FAM20A: variants seen among roughly 807,000 people sequenced by gnomAD.
FAM20A encodes FAM20A golgi associated secretory pathway pseudokinase, also known as pseudokinase FAM20A.
A neutral mutation model predicts 52.0 loss-of-function variants in FAM20A; 42 were observed. That is an observed-to-expected ratio of 0.81 (90% CI 0.63 to 1.04). The LOEUF (loss-of-function observed/expected upper bound fraction) is 1.04. Ranked by LOEUF, FAM20A falls within the 50% of genes least tolerant of loss-of-function variation. The probability of loss-of-function intolerance (pLI) is 0.00; values close to 1 mark genes in which losing one functional copy is unlikely to be tolerated. For synonymous variants in FAM20A, 304 were observed against 298.9 expected (o/e 1.02, Z -0.18); for missense variants, 742 against 712.7 (o/e 1.04, Z -0.47).
chr17:68,536,385 A>G lies in FAM20A; in HGVS notation c.*1092T>C, dbSNP rs1209677250. 6.6e-6 allele frequency: 3 copies of G among 454,016 alleles called. No individual in the cohort carries two copies. Among genetic ancestry groups the G allele is most frequent in the African/African-American group, 6.0e-5 (3 of 50,002 alleles). The allele number at this position is 454,016 out of a possible 1,614,324, so 28.1% of individuals were successfully genotyped here. A position where few individuals can be genotyped will look rare whatever the true frequency, so the allele number is the denominator to read the frequency against. ...TGTGTTTTCGGTCATTAATTATGGA[A>G]TAAGAAACAAAGCCTCCTATTAAAA... is the stretch of plus-strand genomic sequence containing the variant. On this transcript the variant is annotated 3_prime_UTR_variant, in exon 11 of 11. Transcript: ENST00000592554.
At chr17:68,594,927 C>T (rs1213106504) in intron 1 of FAM20A, among the ~76,000 whole-genome samples, 2 of 152,246 alleles carry the variant, frequency 1.3e-5, no homozygotes, top group Admixed American at 1.3e-4. Flanking sequence ...TTAATTACAT[C>T]TGTAAAATCC....
Position 68,537,161 on chromosome 17 carries a change from T to C in FAM20A, c.*316A>G, listed in dbSNP as rs1450346777. The C allele has an allele frequency of 1.9e-6, 1 of 539,012 alleles. No individual in the cohort carries two copies. The highest frequency in any genetic ancestry group is 4.8e-5 in the East Asian group (1 of 20,938). The allele number at this position is 539,012 out of a possible 1,614,324, so 33.4% of individuals were successfully genotyped here. Reference sequence around the variant, plus strand: ...CTTTTATTTGACTTGTTACCATTAGTACTCTCCTGGGATCAAGGCTGCCAA... The same window carrying C: ...CTTTTATTTGACTTGTTACCATTAGCACTCTCCTGGGATCAAGGCTGCCAA... On this transcript the variant is annotated 3_prime_UTR_variant, in exon 11 of 11. Transcript: ENST00000592554. The surrounding 1 kb of genome is among the most constrained non-coding windows in gnomAD (Gnocchi z 4.2).
chr17:68,546,205 C>A, intron 4 of FAM20A, among the ~76,000 whole-genome samples: 1 of 144,150 alleles, frequency 6.9e-6, no homozygotes, highest in Non-Finnish European at 1.5e-5. Flanking sequence ...AGCAGCAACT[C>A]TATCTGTTCA....
chr17:68,593,704 C>G (rs186082360), intron 1 of FAM20A, among the ~76,000 whole-genome samples: 39 of 152,358 alleles, frequency 2.6e-4, no homozygotes, highest in Admixed American at 6.5e-4. Context: ...ATTTGTTCCA[C>G]AGATATTTAC....
At chr17:68,551,594 C>T (rs1396985563) in intron 4 of FAM20A, among the ~76,000 whole-genome samples, 1 of 151,878 alleles carries the variant, frequency 6.6e-6, no homozygotes, top group Non-Finnish European at 1.5e-5. Flanking sequence ...GTATCTGGCT[C>T]ATAAGCTTGC....
chr17:68,584,227 G>C (rs1037979838), intron 1 of FAM20A, among the ~76,000 whole-genome samples: 2 of 152,156 alleles, frequency 1.3e-5, no homozygotes, highest in African/African-American at 4.8e-5. Flanking sequence ...TGAGGCAGGA[G>C]AATCACTTGA....
intron 8 of FAM20A, 87 bp from the exon 9 acceptor site, chr17:68,540,053 C>G: frequency 8.7e-7 from 1 of 1,143,950 alleles, no homozygotes; most frequent in South Asian, 1.3e-5. Context: ...GAACGGAGGC[C>G]TGTCATCACT....
chr17:68,561,793 C>A (rs1361319597), intron 1 of FAM20A, among the ~76,000 whole-genome samples: 1 of 151,758 alleles, frequency 6.6e-6, no homozygotes, highest in Non-Finnish European at 1.5e-5. Context: ...GGGTAACTTC[C>A]CAGTACATTT....
At chr17:68,545,849 C>T (rs1238111266) in intron 4 of FAM20A, among the ~76,000 whole-genome samples, 2 of 152,160 alleles carry the variant, frequency 1.3e-5, no homozygotes, top group Admixed American at 6.5e-5. Flanking sequence ...TCTCAAGAAA[C>T]CACTTTCTTT....
At position 68,537,682 on chromosome 17, in the gene FAM20A, C is replaced by T. The variant is rs1255576733; in HGVS notation, c.1421G>A (p.Ser474Asn). The T allele has an allele frequency of 1.2e-6, 2 of 1,613,602 alleles. No individual in the cohort carries two copies. Among genetic ancestry groups the T allele is most frequent in the African/African-American group, 1.3e-5 (1 of 74,922 alleles). The change falls in exon 11 of 11, where the codon AGC becomes AAC. Residue 474 changes from serine to asparagine, a missense_variant. By Grantham distance (46) the Ser-to-Asn change is conservative (BLOSUM62 1). Transcript: ENST00000592554. The surrounding 1 kb of genome is among the most constrained non-coding windows in gnomAD (Gnocchi z 4.2). ...CAGCAGTGATTCTCGCATCACATCG[C>T]TGAGTCTGTAGTCAGCTTGGGCCAG... ...QLLAQADYRL[S>N]DVMRESLLED...
chr17:68,540,852 T>G lies in FAM20A; in HGVS notation c.1216A>C (p.Ile406Leu). 1 of 1,598,086 alleles carries G rather than the reference T, an allele frequency of 6.3e-7. No individual in the cohort carries two copies. Among genetic ancestry groups the G allele is most frequent in the Non-Finnish European group, 8.5e-7 (1 of 1,171,844 alleles). ...VIDMAIFDFL[I>L]GNMDRHHYEM... ...GGGCCTGCGTGTGGGGACCTACCTA[T>G]CAAGAAGTCGAAGATGGCCATGTCG... is the stretch of plus-strand genomic sequence containing the variant. The change falls in exon 8 of 11, where the codon ATA becomes CTA. Residue 406 changes from isoleucine to leucine, a missense_variant. Physicochemically the swap from Ile to Leu is conservative, Grantham distance 5. Coordinates refer to ENST00000592554, the MANE Select transcript of FAM20A (RefSeq NM_017565.4).
intron 3 of FAM20A, among the ~76,000 whole-genome samples, chr17:68,553,261 A>T (rs891488203): frequency 6.6e-6 from 1 of 151,952 alleles, no homozygotes; most frequent in Admixed American, 6.5e-5. Flanking sequence ...CCCTTCTGCC[A>T]TGATTGTAAG....
Position 68,600,229 on chromosome 17 carries a change from G to A in FAM20A, c.404+34C>T. On this transcript the variant is annotated intron_variant, in intron 1 of 10. Transcript: ENST00000592554. This position sits in a 1 kb window ranked among gnomAD's most constrained non-coding sequence, Gnocchi z 6.2. ...GGCGCGGGGAGGCCCCGGCCAGAGC[G>A]CCCGCTCTCCCGCGTCCCGGGCGGG... The A allele has an allele frequency of 6.5e-7, 1 of 1,547,400 alleles. No homozygotes were observed. Among genetic ancestry groups the A allele is most frequent in the Non-Finnish European group, 8.7e-7 (1 of 1,146,044 alleles).
At chr17:68,585,172 G>T (rs1436017459) in intron 1 of FAM20A, among the ~76,000 whole-genome samples, 1 of 152,176 alleles carries the variant, frequency 6.6e-6, no homozygotes, top group Non-Finnish European at 1.5e-5. Flanking sequence ...TAGACCTGTG[G>T]CTTCCCTGTA....
At chr17:68,581,436 T>TTTCTTTCTTTCTTTC (rs1330365456) in intron 1 of FAM20A, among the ~76,000 whole-genome samples, 1 of 98,820 alleles carries the variant, frequency 1.0e-5, no homozygotes, top group African/African-American at 4.5e-5. Context: ...TCTTTCTTTC[T>TTTCTTTCTTTCTTTC]TTTCTTTTTT....
chr17:68,567,166 C>A (rs2087399744), intron 1 of FAM20A, among the ~76,000 whole-genome samples: 2 of 151,874 alleles, frequency 1.3e-5, no homozygotes, highest in African/African-American at 2.4e-5. Flanking sequence ...GACAAGATAG[C>A]AAATATTTTA....
intron 3 of FAM20A, among the ~76,000 whole-genome samples, chr17:68,553,980 G>T (rs1410372836): frequency 2.0e-5 from 2 of 98,190 alleles, no homozygotes; most frequent in Admixed American, 9.3e-5. Context: ...ATACACACAT[G>T]CATATATACA....
In FAM20A at chr17:68,540,042, G is replaced by T. The variant is rs956818948; in HGVS notation, c.1220-76C>A. The T allele has an allele frequency of 3.5e-5, 45 of 1,280,400 alleles. No homozygotes were observed. In the African/African-American group the frequency reaches 6.1e-4, roughly 17 times the overall value. The allele number at this position is 1,280,400 out of a possible 1,614,324, so 79.3% of individuals were successfully genotyped here. On this transcript the variant is annotated intron_variant, in intron 8 of 10. Coordinates refer to ENST00000592554, the MANE Select transcript of FAM20A (RefSeq NM_017565.4). ...TGCTCCTGACCTGAGTTCTCTCCAG[G>T]GAACGGAGGCCTGTCATCACTTGAG...
rs1222743475 is a variant in FAM20A, at chr17:68,535,305, C to T, written c.*2172G>A. On this transcript the variant is annotated 3_prime_UTR_variant, in exon 11 of 11. Transcript: ENST00000592554. ...ATAATAAGGTAGGTGTACCACATAT[C>T]ATGGTGAAATTCAAGCCTATTGCTT... The T allele has an allele frequency of 4.4e-6, 2 of 453,952 alleles. No homozygotes were observed. The highest frequency in any genetic ancestry group is 4.0e-5 in the African/African-American group (2 of 49,984). The allele number at this position is 453,952 out of a possible 1,614,324, so 28.1% of individuals were successfully genotyped here. A position where few individuals can be genotyped will look rare whatever the true frequency, so the allele number is the denominator to read the frequency against.
Sources: allele counts gnomAD v4.1 joint callset (sites outside exome capture counted in the v4.1 genomes callset), GRCh38; gene constraint gnomAD v4.1.1; non-coding constraint Gnocchi (gnomAD v3.1); transcripts MANE v1.5; gene names NCBI Gene and HGNC (gene_info 2026-07-23, HGNC 2026-07-21).